COX7B2: variants seen among roughly 807,000 people sequenced by gnomAD.
The protein encoded by COX7B2 is cytochrome c oxidase subunit 7B2, mitochondrial.
For synonymous variants in COX7B2, 37 were observed against 32.1 expected (o/e 1.15, Z -0.51); for missense variants, 109 against 95.9 (o/e 1.14, Z -0.57).
chr4:46,792,167 A>G (rs1718083342), intron 2 of COX7B2, among the ~76,000 whole-genome samples: 1 of 152,188 alleles, frequency 6.6e-6, no homozygotes, highest in Admixed American at 6.5e-5. Flanking sequence ...TCACCTTCAG[A>G]TGATTAATCA....
At chr4:46,887,198 T>A (rs1479305891) in intron 1 of COX7B2, among the ~76,000 whole-genome samples, 1 of 152,206 alleles carries the variant, frequency 6.6e-6, no homozygotes, top group Admixed American at 6.5e-5. Context: ...TTCATGTACA[T>A]TTTCCATTGA....
intron 1 of COX7B2, among the ~76,000 whole-genome samples, chr4:46,884,530 G>C (rs1718953745): frequency 6.6e-6 from 1 of 152,054 alleles, no homozygotes; most frequent in African/African-American, 2.4e-5. Flanking sequence ...GTGGAGTACT[G>C]TTAGTATAAC....
rs139544399 is a variant in COX7B2 at position 46,770,206 on chromosome 4, C to A, written c.-49-34965G>T. On this transcript the variant is annotated intron_variant, in intron 2 of 2. Transcript: ENST00000355591. The stretch of plus-strand genomic sequence containing the variant: ...TGTGTTTCTATACACTAACAAGGAA[C>A]TGCTTGAAAAAGAATCCAGAACTAC... Among the ~76,000 whole-genome samples the A allele has an allele frequency of 3.9e-5, 6 of 152,146 alleles. No homozygotes were observed. In the East Asian group the frequency reaches 1.2e-3, roughly 29 times the overall value.
chr4:46,837,351 G>A (rs925479), intron 2 of COX7B2, among the ~76,000 whole-genome samples: 47,591 of 151,218 alleles, frequency 0.31, 7,653 homozygotes, highest in Admixed American at 0.39. Context: ...GGTATGAAGT[G>A]ATATACACAC....
intron 1 of COX7B2, among the ~76,000 whole-genome samples, chr4:46,893,599 T>A (rs1719574854): frequency 6.6e-6 from 1 of 152,228 alleles, no homozygotes; most frequent in East Asian, 1.9e-4. Context: ...CAAGGAAATT[T>A]CAAAATGCTA....
At chr4:46,736,804 T>C (rs974730536) in intron 2 of COX7B2, among the ~76,000 whole-genome samples, 1 of 152,148 alleles carries the variant, frequency 6.6e-6, no homozygotes, top group Non-Finnish European at 1.5e-5. Context: ...TTCTTTTTAG[T>C]GCTAATTAAT....
At chr4:46,828,805 G>A (rs906905165) in intron 2 of COX7B2, among the ~76,000 whole-genome samples, 2 of 152,072 alleles carry the variant, frequency 1.3e-5, no homozygotes, top group Admixed American at 1.3e-4. Context: ...CTTGTCTATG[G>A]ATATGGGCAG....
chr4:46,763,164 CAA>C (rs984066467), intron 2 of COX7B2, among the ~76,000 whole-genome samples: 56 of 109,828 alleles, frequency 5.1e-4, no homozygotes, highest in African/African-American at 1.7e-3. Context: ...TATATATTTA[CAA>C]TATATATTTA....
chr4:46,907,112 C>A (rs1286124848), intron 1 of COX7B2, among the ~76,000 whole-genome samples: 4 of 152,166 alleles, frequency 2.6e-5, no homozygotes, highest in Non-Finnish European at 5.9e-5. Context: ...GCCTCTTTCT[C>A]TTTTTGATTA....
rs115317375 is a variant in COX7B2, at chr4:46,832,873, C to T, written c.-50+12087G>A. On this transcript the variant is annotated intron_variant, in intron 2 of 2. Coordinates refer to ENST00000355591, the MANE Select transcript of COX7B2 (RefSeq NM_130902.3). ...TCACCAGAAGCAGATGCCAAAACTA[C>T]GCTTCATGTACAGCCTGCTGAACTG... 8.1e-3 allele frequency among the ~76,000 whole-genome samples: 1,229 copies of T among 152,156 alleles called. 17 individuals carry two copies. Among genetic ancestry groups the T allele is most frequent in the Middle Eastern group, 0.071 (21 of 294 alleles).
intron 2 of COX7B2, among the ~76,000 whole-genome samples, chr4:46,794,304 G>A (rs1174809210): frequency 6.6e-6 from 1 of 152,188 alleles, no homozygotes; most frequent in Non-Finnish European, 1.5e-5. Flanking sequence ...TAATGTTGCA[G>A]TTCAGGGAGT....
intron 1 of COX7B2, among the ~76,000 whole-genome samples, chr4:46,894,315 G>A (rs888455334): frequency 6.6e-6 from 1 of 151,900 alleles, no homozygotes; most frequent in Non-Finnish European, 1.5e-5. Flanking sequence ...GAACAGAATA[G>A]ACAGCCCAGA....
At chr4:46,750,888 C>T (rs1291489705) in intron 2 of COX7B2, among the ~76,000 whole-genome samples, 1 of 152,132 alleles carries the variant, frequency 6.6e-6, no homozygotes, top group Non-Finnish European at 1.5e-5. Context: ...GGGATGCACC[C>T]TTATAACCTC....
chr4:46,754,540 G>C (rs1715629081), intron 2 of COX7B2, among the ~76,000 whole-genome samples: 2 of 83,718 alleles, frequency 2.4e-5, no homozygotes, highest in African/African-American at 9.0e-5. Flanking sequence ...AGGAAGGGGT[G>C]GGGGGTGGGG....
chr4:46,896,631 G>C (rs1015818008), intron 1 of COX7B2, among the ~76,000 whole-genome samples: 1 of 144,566 alleles, frequency 6.9e-6, no homozygotes, highest in Non-Finnish European at 1.5e-5. Context: ...TACCATGCTA[G>C]AATTAACAAA....
chr4:46,842,145 T>TA (rs1715971900), intron 2 of COX7B2, among the ~76,000 whole-genome samples: 1 of 152,004 alleles, frequency 6.6e-6, no homozygotes, highest in African/African-American at 2.4e-5. Flanking sequence ...TCAATCATGG[T>TA]AATAACAAGC....
intron 1 of COX7B2, among the ~76,000 whole-genome samples, chr4:46,871,131 G>A (rs1717964290): frequency 6.6e-6 from 1 of 151,986 alleles, no homozygotes; most frequent in African/African-American, 2.4e-5. Flanking sequence ...CATGGTAATG[G>A]TACAAAAACA....
chr4:46,799,264 G>C (rs569699429), intron 2 of COX7B2, among the ~76,000 whole-genome samples: 188 of 152,234 alleles, frequency 1.2e-3, no homozygotes, highest in Middle Eastern at 6.8e-3. Context: ...GCTTTGGGCA[G>C]AAACGATGAG....
intron 2 of COX7B2, among the ~76,000 whole-genome samples, chr4:46,736,600 C>T (rs1460382874): frequency 1.3e-5 from 2 of 152,092 alleles, no homozygotes; most frequent in African/African-American, 2.4e-5. Flanking sequence ...GGCAATGGTT[C>T]GGTTTCACCT....
Sources: gnomAD v4.1 joint callset for allele counts (sites outside exome capture counted in the v4.1 genomes callset) on GRCh38, gnomAD v4.1.1 for gene constraint, MANE v1.5 for transcripts, NCBI Gene and HGNC (gene_info 2026-07-23, HGNC 2026-07-21) for gene names.